Variants in TTC6 observed in about 807,000 individuals in gnomAD.
TTC6 encodes the protein tetratricopeptide repeat protein 6.
In TTC6, 172 loss-of-function variants were observed where a neutral mutation model predicts 210.4. The ratio of observed to expected loss-of-function variants is 0.82; its 90% CI spans 0.72 to 0.93. TTC6 has a LOEUF of 0.93. Among genes scored for constraint, TTC6 ranks in the 40% least tolerant of loss-of-function variants. TTC6 has a pLI of 0.00. For synonymous variants in TTC6, 804 were observed against 819.6 expected (o/e 0.98, Z 0.32); for missense variants, 2,414 against 2,318.1 (o/e 1.04, Z -0.85).
chr14:37,683,004 A>G, intron 3 of TTC6, 40 bp downstream of exon 5: 2 of 1,516,188 alleles, frequency 1.3e-6, no homozygotes, highest in Non-Finnish European at 1.8e-6. Flanking sequence ...AAGAGTTATG[A>G]GAATTGAGGA....
exon 13 of TTC6, chr14:37,751,063 G>A: frequency 6.6e-7 from 1 of 1,521,668 alleles, no homozygotes; most frequent in Non-Finnish European, 8.8e-7. Flanking sequence ...AGGCATATTT[G>A]TCAAAAGCAG....
rs552052692 is a variant in TTC6, at chr14:37,693,133, T to C, written c.1258-3584T>C. On this transcript the variant is annotated intron_variant, in intron 3 of 30. Transcript: ENST00000553443. ...TTCTTGTTTGCAGATGGTATGATCT[T>C]ATATCTGGAAAAACCAAAAGACTCC... is the stretch of plus-strand genomic sequence containing the variant. Among the ~76,000 whole-genome samples the C allele has an allele frequency of 5.3e-5, 8 of 152,214 alleles. No individual in the cohort carries two copies. In the South Asian group the frequency reaches 1.7e-3, roughly 32 times the overall value.
chr14:37,738,937 C>A, exon 10 of TTC6: 3 of 1,535,430 alleles, frequency 2.0e-6, no homozygotes, highest in Non-Finnish European at 1.7e-6. Context: ...AGGAGCCCAA[C>A]TATGTGAAAG....
At chr14:37,605,968 A>G (rs2095624441) in intron 1 of TTC6, among the ~76,000 whole-genome samples, 2 of 151,120 alleles carry the variant, frequency 1.3e-5, no homozygotes, top group South Asian at 4.2e-4. Context: ...GTCATGCCCC[A>G]ATGCCAGACT....
chr14:37,697,972 G>T (rs1202418146), intron 4 of TTC6, among the ~76,000 whole-genome samples: 2 of 151,978 alleles, frequency 1.3e-5, no homozygotes, highest in African/African-American at 2.4e-5. Context: ...TGTTTAAGAA[G>T]AGTGTGCTAT....
intron 1 of TTC6, among the ~76,000 whole-genome samples, chr14:37,637,907 T>G (rs1224239646): frequency 6.6e-6 from 1 of 152,202 alleles, no homozygotes; most frequent in Admixed American, 6.5e-5. Flanking sequence ...ACATAGCCAC[T>G]CTGGAAAACA....
At chr14:37,735,950 T>C (rs937233003) in exon 8 of TTC6, 41 of 1,533,994 alleles carry the variant, frequency 2.7e-5, no homozygotes, top group Non-Finnish European at 3.6e-5. Flanking sequence ...TTTTAACTGA[T>C]AAATTGTCAT....
At chr14:37,720,574 A>C (rs2095859932) in intron 6 of TTC6, 1 of 151,854 alleles carries the variant, frequency 6.6e-6, no homozygotes, top group Admixed American at 6.6e-5. Context: ...AAAAAAAAAA[A>C]AAAAACTCAA....
chr14:37,715,957 C>T (rs763822786), intron 6 of TTC6, among the ~76,000 whole-genome samples: 3 of 152,056 alleles, frequency 2.0e-5, no homozygotes, highest in Non-Finnish European at 4.4e-5. Context: ...TTTCCTTCTC[C>T]TTTTGAGTTT....
intron 21 of TTC6, among the ~76,000 whole-genome samples, chr14:37,805,031 C>G (rs2096115240): frequency 6.6e-6 from 1 of 152,130 alleles, no homozygotes; most frequent in Non-Finnish European, 1.5e-5. Flanking sequence ...CAACAATATT[C>G]TAAAGATTAA....
At chr14:37,808,586 A>G in intron 23 of TTC6, 147 bp from the exon 26 acceptor site, 1 of 446,534 alleles carries the variant, frequency 2.2e-6, no homozygotes, top group Non-Finnish European at 4.1e-6. Context: ...GTGAAAGATT[A>G]GCTTCAATGT....
chr14:37,768,985 T>G (rs1241980949), intron 14 of TTC6, among the ~76,000 whole-genome samples: 1 of 152,126 alleles, frequency 6.6e-6, no homozygotes, highest in African/African-American at 2.4e-5. Context: ...CATCAATACC[T>G]AATTTATTGA....
chr14:37,727,786 T>G (rs1358474654), intron 7 of TTC6, among the ~76,000 whole-genome samples: 6 of 152,196 alleles, frequency 3.9e-5, no homozygotes, highest in Non-Finnish European at 8.8e-5. Context: ...CCATAGTGTT[T>G]AAACATTTTT....
chr14:37,736,267 A>G (rs1570401), intron 8 of TTC6, among the ~76,000 whole-genome samples: 95,306 of 151,474 alleles, frequency 0.63, 31,131 homozygotes, highest in East Asian at 0.89. Flanking sequence ...ACGTGCCTGT[A>G]TCTCAGCTAC....
chr14:37,729,746 CG>C (rs1566915623), intron 7 of TTC6, among the ~76,000 whole-genome samples: 1 of 152,008 alleles, frequency 6.6e-6, no homozygotes, highest in East Asian at 1.9e-4. Context: ...ATACTGTTGG[CG>C]TCTACTTCTA....
At chr14:37,739,624 ATC>A (rs899997119) in intron 10 of TTC6, among the ~76,000 whole-genome samples, 1 of 151,724 alleles carries the variant, frequency 6.6e-6, no homozygotes, top group African/African-American at 2.4e-5. Flanking sequence ...ATATATGGAT[ATC>A]TCTTAGTATA....
chr14:37,806,366 T>C (rs1208688531), exon 22 of TTC6: 5 of 1,535,240 alleles, frequency 3.3e-6, no homozygotes, highest in African/African-American at 1.4e-5. Flanking sequence ...TGTAGGCTTT[T>C]GATTCTTTTA....
intron 24 of TTC6, among the ~76,000 whole-genome samples, chr14:37,809,903 C>T (rs2096126322): frequency 2.6e-5 from 4 of 152,286 alleles, no homozygotes; most frequent in African/African-American, 9.6e-5. Context: ...TGTTACTTGT[C>T]TCACTCTCCT....
chr14:37,712,519 C>T (rs1386025192), intron 5 of TTC6, among the ~76,000 whole-genome samples: 1 of 152,138 alleles, frequency 6.6e-6, no homozygotes, highest in Non-Finnish European at 1.5e-5. Context: ...AAGACAGACC[C>T]AAGACTGGGT....
Sources: gnomAD v4.1 joint callset for allele counts (sites outside exome capture counted in the v4.1 genomes callset) on GRCh38, gnomAD v4.1.1 for gene constraint, MANE v1.5 for transcripts, NCBI Gene and HGNC (gene_info 2026-07-23, HGNC 2026-07-21) for gene names.